Variants in FBXO10 observed in about 807,000 individuals in gnomAD.
The protein encoded by FBXO10 is F-box only protein 10.
Under a neutral mutation model 80.7 loss-of-function variants are expected in FBXO10, and 39 were observed. That is an observed-to-expected ratio of 0.48 (90% confidence interval 0.37 to 0.63). The LOEUF (loss-of-function observed/expected upper bound fraction) is 0.63. Ranked by LOEUF, FBXO10 falls within the 30% of genes least tolerant of loss-of-function variation. The probability of loss-of-function intolerance (pLI) is 0.00; values close to 1 mark genes in which losing one functional copy is unlikely to be tolerated. For missense variants in FBXO10, 1,025 were observed against 1,269.0 expected (o/e 0.81, Z 2.92); for synonymous variants, 449 against 489.6 (o/e 0.92, Z 1.09).
chr9:37,554,689 A>C (rs914518146), intron 1 of FBXO10, among the ~76,000 whole-genome samples: 2 of 152,212 alleles, frequency 1.3e-5, no homozygotes, highest in Admixed American at 1.3e-4. Context: ...GGGATCATGC[A>C]GTATGTATTC....
At chr9:37,518,818 C>A (rs1224707150) in intron 8 of FBXO10, among the ~76,000 whole-genome samples, 2 of 152,190 alleles carry the variant, frequency 1.3e-5, no homozygotes, top group Non-Finnish European at 2.9e-5. Context: ...CTCACTCCCC[C>A]TCTGGACAGG....
chr9:37,561,908 A>G (rs1383156971), intron 1 of FBXO10, among the ~76,000 whole-genome samples: 4 of 152,240 alleles, frequency 2.6e-5, no homozygotes, highest in African/African-American at 9.6e-5. Context: ...ATTTAAAGCC[A>G]TGGCATGGAC....
intron 10 of FBXO10, 32 bp downstream of exon 10, chr9:37,515,872 G>A: frequency 6.2e-7 from 1 of 1,601,754 alleles, no homozygotes; most frequent in African/African-American, 1.4e-5. Flanking sequence ...TGTGGCTCTA[G>A]AGGACTCGTT....
Position 37,510,898 on chromosome 9 carries a change from T to C in FBXO10, c.*1649A>G, listed in dbSNP as rs1182029424. 2.0e-5 allele frequency: 3 copies of C among 152,674 alleles called. No individual in the cohort carries two copies. The highest frequency in any genetic ancestry group is 4.4e-5 in the Non-Finnish European group (3 of 68,044). 9.5% of individuals were successfully genotyped at this position (152,674 alleles called of 1,614,324 possible). On this transcript the variant is annotated 3_prime_UTR_variant, in exon 11 of 11. Transcript: ENST00000432825. ...AAGGAAAGGCTTCCAAAAGTGCCTT[T>C]TTTAAAATATAGAACTTTATTTTGG...
At chr9:37,545,732 G>A (rs998065989) in intron 1 of FBXO10, among the ~76,000 whole-genome samples, 1 of 152,146 alleles carries the variant, frequency 6.6e-6, no homozygotes, top group Non-Finnish European at 1.5e-5. Flanking sequence ...TCCACTTCAG[G>A]CCATGACAGA....
intron 1 of FBXO10, among the ~76,000 whole-genome samples, chr9:37,550,426 C>T (rs1822169587): frequency 6.7e-6 from 1 of 150,366 alleles, no homozygotes; most frequent in African/African-American, 2.4e-5. Context: ...CTCAAGTGAT[C>T]GGCCCGCCTC....
chr9:37,531,865 TGAAAA>T, intron 4 of FBXO10, 39 bp downstream of exon 4: 1 of 1,603,460 alleles, frequency 6.2e-7, no homozygotes, highest in Non-Finnish European at 8.5e-7. Flanking sequence ...AAATGGTTTC[TGAAAA>T]CCAAGAGTCA....
In FBXO10 at chr9:37,510,903, AAAT is replaced by A. The variant is rs1328933787; in HGVS notation, c.*1641_*1643del. 5 of 152,662 alleles carry A rather than the reference AAAT, an allele frequency of 3.3e-5. No homozygotes were observed. The highest frequency in any genetic ancestry group is 2.6e-4 in the Admixed American group (4 of 15,290). 9.5% of individuals were successfully genotyped at this position (152,662 alleles called of 1,614,324 possible). A position where few individuals can be genotyped will look rare whatever the true frequency, so the allele number is the denominator to read the frequency against. On this transcript the variant is annotated 3_prime_UTR_variant, in exon 11 of 11. Coordinates refer to ENST00000432825, the MANE Select transcript of FBXO10 (RefSeq NM_012166.3). ...AAGGCTTCCAAAAGTGCCTTTTTTA[AAAT>A]ATAGAACTTTATTTTGGTTACTGAG...
At chr9:37,539,514 G>A (rs1364936921) in intron 2 of FBXO10, among the ~76,000 whole-genome samples, 2 of 152,210 alleles carry the variant, frequency 1.3e-5, no homozygotes, top group African/African-American at 4.8e-5. Flanking sequence ...ATCCCTTGAG[G>A]ATCTATGACT....
intron 1 of FBXO10, among the ~76,000 whole-genome samples, chr9:37,573,707 G>A (rs1156381420): frequency 6.6e-6 from 1 of 152,034 alleles, no homozygotes; most frequent in Admixed American, 6.5e-5. Flanking sequence ...AGTCTACTTA[G>A]AAAAAAATAA....
intron 5 of FBXO10, among the ~76,000 whole-genome samples, chr9:37,527,960 C>G (rs546044198): frequency 2.9e-4 from 44 of 152,212 alleles, no homozygotes; most frequent in African/African-American, 9.9e-4. Flanking sequence ...TATGGCATAT[C>G]GAAATACTGG....
At chr9:37,521,545 C>T in intron 8 of FBXO10, 24 bp downstream of exon 8, 3 of 1,530,522 alleles carry the variant, frequency 2.0e-6, no homozygotes, top group Non-Finnish European at 2.6e-6. Context: ...GGTTCTTGAG[C>T]AGGGGCTGAG....
At position 37,576,299 on chromosome 9, in the gene FBXO10, C is replaced by A. The variant is rs1022941616; in HGVS notation, c.-95G>T. Reference sequence around the variant, plus strand: ...GCCGCCCCCGCTGGAGCCGCAGCAGCCGGTAGGATTGCGGCGTGCGGCCAG... The same window carrying A: ...GCCGCCCCCGCTGGAGCCGCAGCAGACGGTAGGATTGCGGCGTGCGGCCAG... On this transcript the variant is annotated 5_prime_UTR_variant, in exon 1 of 11. Coordinates refer to ENST00000432825, the MANE Select transcript of FBXO10 (RefSeq NM_012166.3). 1.3e-5 allele frequency: 2 copies of A among 152,184 alleles called. No individual in the cohort carries two copies. The highest frequency in any genetic ancestry group is 4.1e-4 in the South Asian group (2 of 4,838). The allele number at this position is 152,184 out of a possible 1,614,324, so 9.4% of individuals were successfully genotyped here.
At chr9:37,550,187 T>TTTTTG (rs1563883467) in intron 1 of FBXO10, among the ~76,000 whole-genome samples, 6 of 129,862 alleles carry the variant, frequency 4.6e-5, no homozygotes, top group African/African-American at 1.8e-4. Flanking sequence ...TTTTTTTTTT[T>TTTTTG]TTTTTTTTTT....
At chr9:37,536,045 A>G (rs1193883287) in intron 3 of FBXO10, 4 of 152,278 alleles carry the variant, frequency 2.6e-5, no homozygotes, top group African/African-American at 9.6e-5. Flanking sequence ...GGAGTCTTGC[A>G]TTATGCTTTC....
At position 37,534,600 on chromosome 9, in the gene FBXO10, T is replaced by C. The variant is rs545540871; in HGVS notation, c.1419+2510A>G. 4.6e-5 allele frequency among the ~76,000 whole-genome samples: 7 copies of C among 152,358 alleles called. No individual in the cohort carries two copies. In the South Asian group the frequency reaches 1.4e-3, roughly 32 times the overall value. ...CTGTTAAAGACCAGCTGTGAATTAG[T>C]GTGAGTGCAGAAACTCTGGGAGTAG... On this transcript the variant is annotated intron_variant, in intron 3 of 10. Transcript: ENST00000432825.
At chr9:37,575,231 C>A (rs1822863252) in intron 1 of FBXO10, among the ~76,000 whole-genome samples, 1 of 152,040 alleles carries the variant, frequency 6.6e-6, no homozygotes, top group Non-Finnish European at 1.5e-5. Context: ...TCCCATCCAG[C>A]CTGACTCATA....
At position 37,516,074 on chromosome 9, in the gene FBXO10, GTTCT is replaced by G; in HGVS notation, c.2522_2525del (p.Lys841ThrfsTer65). ...CGTAGGCCCGGAACGAGTGGATCCG[GTTCT>G]TTATTACCTGGGAGAGGCAGCCAGA... On this transcript the variant is annotated frameshift_variant, in exon 10 of 11. Transcript: ENST00000432825. LOFTEE classifies it high-confidence loss of function. 6.2e-7 allele frequency: 1 copy of G among 1,611,750 alleles called. No homozygotes were observed.
At chr9:37,536,545 C>T (rs1272298763) in intron 3 of FBXO10, among the ~76,000 whole-genome samples, 2 of 152,120 alleles carry the variant, frequency 1.3e-5, no homozygotes, top group Non-Finnish European at 2.9e-5. Flanking sequence ...CTTTTGCTCA[C>T]CCCCAGCTTC....
Sources: gnomAD v4.1 joint callset for allele counts (sites outside exome capture counted in the v4.1 genomes callset) on GRCh38, gnomAD v4.1.1 for gene constraint, MANE v1.5 for transcripts, NCBI Gene and HGNC (gene_info 2026-07-23, HGNC 2026-07-21) for gene names.